PPA1: variants seen among roughly 807,000 people sequenced by gnomAD.
PPA1 encodes the protein inorganic pyrophosphatase.
PPA1 carries 23 observed loss-of-function variants against 41.8 expected under a neutral mutation model. The observed-to-expected ratio is 0.55, with a 90% confidence interval of 0.40 to 0.78. PPA1 has a LOEUF of 0.78. Ranked by LOEUF, PPA1 falls within the 30% of genes least tolerant of loss-of-function variation. PPA1 has a pLI of 0.00. For missense variants in PPA1, 320 were observed against 361.6 expected (o/e 0.89, Z 0.93); for synonymous variants, 101 against 116.8 (o/e 0.86, Z 0.87).
intron 6 of PPA1, among the ~76,000 whole-genome samples, chr10:70,213,092 G>A (rs1840040520): frequency 1.3e-5 from 2 of 152,136 alleles, no homozygotes; most frequent in African/African-American, 2.4e-5. Flanking sequence ...GAGTGGTGAT[G>A]GTTGTACAAC....
At chr10:70,213,691 G>A in intron 5 of PPA1, 102 bp from the exon 6 acceptor site, 9 of 1,337,700 alleles carry the variant, frequency 6.7e-6, no homozygotes, top group Non-Finnish European at 9.1e-6. Flanking sequence ...AAGTTCTTGA[G>A]AATTTACCTG....
Position 70,221,055 on chromosome 10 carries a change from A to ATTTTTATATATATAT in PPA1, c.124-2239_124-2238insATATATATATAAAAA, listed in dbSNP as rs1232241016. On this transcript the variant is annotated intron_variant, in intron 2 of 10. Coordinates refer to ENST00000373232, the MANE Select transcript of PPA1 (RefSeq NM_021129.4). ...ATATATATAAATTATATATATATAT[A>ATTTTTATATATATAT]ATTTATATATATATATATATATTTT... 1.7e-4 allele frequency among the ~76,000 whole-genome samples: 7 copies of ATTTTTATATATATAT among 41,668 alleles called. 1 individual carries two copies. The highest frequency in any genetic ancestry group is 1.6e-3 in the African/African-American group (7 of 4,466). 27.3% of individuals were successfully genotyped at this position (41,668 alleles called of 152,430 possible).
At chr10:70,221,072 ATATATTTTTT>A (rs1165948406) in intron 2 of PPA1, among the ~76,000 whole-genome samples, 6 of 16,466 alleles carry the variant, frequency 3.6e-4, no homozygotes, top group African/African-American at 2.0e-3. Flanking sequence ...ATATATATAT[ATATATTTTTT>A]TTTTTTTTTT....
chr10:70,205,487 A>C (rs1839929097), intron 9 of PPA1: 1 of 152,214 alleles, frequency 6.6e-6, no homozygotes, highest in Non-Finnish European at 1.5e-5. Context: ...TTTTATATAT[A>C]CACACATATT....
intron 10 of PPA1, chr10:70,204,177 C>G (rs142516312): frequency 3.3e-5 from 5 of 151,958 alleles, no homozygotes; most frequent in Non-Finnish European, 7.3e-5. Context: ...CAGCCTGGTT[C>G]GAGACCTGGT....
Position 70,233,286 on chromosome 10 carries a change from G to A in PPA1, c.42C>T (p.Ser14=). 2 of 1,543,330 alleles carry A rather than the reference G, an allele frequency of 1.3e-6. No individual in the cohort carries two copies. Among genetic ancestry groups the A allele is most frequent in the Non-Finnish European group, 1.7e-6 (2 of 1,144,672 alleles). The part of the protein sequence containing the change: ...FSTEERAAPF[S]LEYRVFLKNE... ...CACTGAGGAAGACTCGGTACTCCAG[G>A]GAGAAGGGCGCGGCGCGCTCCTCGG... Residue 14 remains serine (S), a synonymous_variant, in exon 1 of 11, where the codon TCC becomes TCT. Transcript: ENST00000373232.
chr10:70,205,153 AGTGG>A (rs1345943469), intron 9 of PPA1: 1 of 283,132 alleles, frequency 3.5e-6, no homozygotes, highest in Non-Finnish European at 6.5e-6. Context: ...GGGAGGCTGA[AGTGG>A]GTGGATCACA....
At chr10:70,233,100 G>C (rs967603882) in intron 1 of PPA1, among the ~76,000 whole-genome samples, 164 bp downstream of exon 1, 1 of 152,138 alleles carries the variant, frequency 6.6e-6, no homozygotes, top group Non-Finnish European at 1.5e-5. Flanking sequence ...ACCGGCGGCG[G>C]CAAGTATGCA....
At chr10:70,233,193 T>C (rs1840311473) in intron 1 of PPA1, 71 bp downstream of exon 1, 8 of 1,490,514 alleles carry the variant, frequency 5.4e-6, no homozygotes, top group African/African-American at 1.5e-5. Flanking sequence ...GGCCGCACCC[T>C]CCCGGGGAGG....
chr10:70,225,787 A>G (rs569650257), intron 2 of PPA1, among the ~76,000 whole-genome samples: 1 of 152,306 alleles, frequency 6.6e-6, no homozygotes, highest in Non-Finnish European at 1.5e-5. Context: ...ACCATTTCCA[A>G]GAATACTTTA....
Position 70,230,343 on chromosome 10 carries a change from T to C in PPA1, c.121A>G (p.Lys41Glu). Reference protein sequence around the residue: ...PFHDIPIYADKDVFHMVVEVP... With the variant: ...PFHDIPIYADEDVFHMVVEVP... ...GTCCAAAAACAAGGATGCCTTACCT[T>C]ATCTGCATAAATTGGAATATCATGA... Residue 41 changes from lysine to glutamate, a missense_variant and splice_region_variant, in exon 2 of 11, where the codon AAG (lysine) becomes GAG (glutamate). By Grantham distance (56) the Lys-to-Glu change is moderately conservative. Coordinates refer to ENST00000373232, the MANE Select transcript of PPA1 (RefSeq NM_021129.4). 6.2e-7 allele frequency: 1 copy of C among 1,613,314 alleles called. No individual in the cohort carries two copies. Among genetic ancestry groups the C allele is most frequent in the South Asian group, 1.1e-5 (1 of 90,898 alleles).
At chr10:70,207,639 G>A (rs1839960904) in intron 8 of PPA1, among the ~76,000 whole-genome samples, 1 of 151,778 alleles carries the variant, frequency 6.6e-6, no homozygotes, top group Non-Finnish European at 1.5e-5. Flanking sequence ...CAGCCTGGGC[G>A]AGAGACCCTG....
At chr10:70,229,810 CAGATT>C (rs1458903509) in intron 2 of PPA1, among the ~76,000 whole-genome samples, 1 of 151,820 alleles carries the variant, frequency 6.6e-6, no homozygotes, top group African/African-American at 2.4e-5. Flanking sequence ...TTTTCCAAGA[CAGATT>C]AAATACTTTT....
chr10:70,225,697 C>G (rs991467865), intron 2 of PPA1, among the ~76,000 whole-genome samples: 3 of 149,862 alleles, frequency 2.0e-5, no homozygotes, highest in African/African-American at 7.4e-5. Flanking sequence ...AGTATAAAAT[C>G]CCTATCAGAA....
rs769458665 is a variant in PPA1 at position 70,204,872 on chromosome 10, C to T, written c.838+1G>A. The T allele has an allele frequency of 6.3e-7, 1 of 1,584,714 alleles. No homozygotes were observed. The highest frequency in any genetic ancestry group is 8.6e-7 in the Non-Finnish European group (1 of 1,161,714). On this transcript the variant is annotated splice_donor_variant, in intron 10 of 10. Coordinates refer to ENST00000373232, the MANE Select transcript of PPA1 (RefSeq NM_021129.4). LOFTEE classifies it high-confidence loss of function. The stretch of plus-strand genomic sequence containing the variant: ...AAATTTTACTGGAATAGAAATCTTA[C>T]CGTCTGTTGGTACTGTGCAGGCAGA...
At chr10:70,210,040 T>C (rs1839998929) in intron 6 of PPA1, 2 of 312,758 alleles carry the variant, frequency 6.4e-6, no homozygotes, top group Non-Finnish European at 6.0e-6. Context: ...ATGTAGATAA[T>C]TCCTATGAGA....
At chr10:70,210,748 A>G (rs910150201) in intron 6 of PPA1, among the ~76,000 whole-genome samples, 3 of 150,988 alleles carry the variant, frequency 2.0e-5, no homozygotes, top group African/African-American at 7.3e-5. Flanking sequence ...TTTGTATAAG[A>G]TAACATTGCT....
intron 1 of PPA1, 99 bp from the exon 2 acceptor site, chr10:70,230,498 G>T: frequency 8.3e-7 from 1 of 1,210,652 alleles, no homozygotes; most frequent in Non-Finnish European, 1.2e-6. Context: ...CCCTTACTCT[G>T]TCACCCAGGA....
Position 70,232,946 on chromosome 10 carries a change from G to C in PPA1, c.64+318C>G, listed in dbSNP as rs376849155. On this transcript the variant is annotated intron_variant, in intron 1 of 10. Coordinates refer to ENST00000373232, the MANE Select transcript of PPA1 (RefSeq NM_021129.4). ...CCAAGCACCTTTCTAGGGTGGGTCG[G>C]TGATTTCCTTTTCCCAACAGACCCT... Among the ~76,000 whole-genome samples, 12 of 152,288 alleles carry C rather than the reference G, an allele frequency of 7.9e-5. No homozygotes were observed. In the South Asian group the frequency reaches 2.3e-3, roughly 29 times the overall value.
Sources: gnomAD v4.1 joint callset for allele counts (sites outside exome capture counted in the v4.1 genomes callset) on GRCh38, gnomAD v4.1.1 for gene constraint, MANE v1.5 for transcripts, NCBI Gene and HGNC (gene_info 2026-07-23, HGNC 2026-07-21) for gene names.